EP400: variants seen among roughly 807,000 people sequenced by gnomAD.
The protein encoded by EP400 is E1A binding protein p400, also known as E1A-binding protein p400.
In EP400, 105 loss-of-function variants were observed where a neutral mutation model predicts 354.1. The observed-to-expected ratio is 0.30, with a 90% confidence interval of 0.25 to 0.35. The LOEUF (loss-of-function observed/expected upper bound fraction) is 0.35, where lower values mean the gene tolerates loss of function less well. Ranked by LOEUF, EP400 falls within the 10% of genes least tolerant of loss-of-function variation. The pLI is 1.00. For missense variants in EP400, 3,280 were observed against 4,121.0 expected, an observed-to-expected ratio of 0.80 and a Z score of 5.59; for synonymous variants, 1,646 against 1,716.9, an observed-to-expected ratio of 0.96 and a Z score of 1.02.
intron 7 of EP400, among the ~76,000 whole-genome samples, chr12:131,988,827 C>T (rs12298042): frequency 1.3e-5 from 2 of 151,972 alleles, no homozygotes; most frequent in Non-Finnish European, 2.9e-5. Flanking sequence ...GTACTCTTAA[C>T]GCTATGGCCT....
At chr12:132,042,431 G>A (rs975645167) in intron 32 of EP400, among the ~76,000 whole-genome samples, 1 of 152,170 alleles carries the variant, frequency 6.6e-6, no homozygotes, top group Non-Finnish European at 1.5e-5. Flanking sequence ...CGTCTTTATA[G>A]TGGGTGCTTT....
rs759765501 is a variant in EP400, at chr12:132,077,635, G to A, written c.9334G>A (p.Val3112Ile). The change falls in exon 53 of 53, where the codon GTC becomes ATC. Residue 3112 changes from valine to isoleucine, a missense_variant. Transcript: ENST00000389561. ...QPKLQMRVPA[V>I]RLKTPTKPPC... ...CAAGTTACAGATGAGGGTCCCTGCT[G>A]TCAGGCTAAAGACACCTACTAAGCC... 1.9e-5 allele frequency: 30 copies of A among 1,613,438 alleles called. No homozygotes were observed. The highest frequency in any genetic ancestry group is 2.4e-5 in the Non-Finnish European group (28 of 1,179,822).
chr12:132,028,694 G>A (rs576009737), intron 27 of EP400, among the ~76,000 whole-genome samples: 3 of 152,332 alleles, frequency 2.0e-5, no homozygotes, highest in Admixed American at 6.5e-5. Flanking sequence ...GTGCTTTAAT[G>A]GAGAGCAAAT....
At position 132,029,656 on chromosome 12, in the gene EP400, G is replaced by A. The variant is rs1353840668; in HGVS notation, c.5382-45G>A. 11 of 1,589,370 alleles carry A rather than the reference G, an allele frequency of 6.9e-6. No homozygotes were observed. The South Asian group carries it at 8.9e-5, about 13-fold the overall frequency. On this transcript the variant is annotated intron_variant, in intron 27 of 52. Coordinates refer to ENST00000389561, the MANE Select transcript of EP400 (RefSeq NM_015409.5). This position sits in a 1 kb window ranked among gnomAD's most constrained non-coding sequence, Gnocchi z 4.7. The stretch of plus-strand genomic sequence containing the variant: ...TCAGGAGCCCCCATGCTGGGTGAAG[G>A]TGTGTGGCTCCTGGTGGTGACAAAA...
chr12:131,996,929 T>G (rs527437144), intron 12 of EP400, among the ~76,000 whole-genome samples: 2 of 152,230 alleles, frequency 1.3e-5, no homozygotes, highest in South Asian at 4.1e-4. Context: ...TTTCACTCTT[T>G]GCAGTACCTT....
At chr12:131,995,737 T>C (rs547744862) in intron 12 of EP400, among the ~76,000 whole-genome samples, 312 of 121,314 alleles carry the variant, frequency 2.6e-3, no homozygotes, top group African/African-American at 0.011. Flanking sequence ...GAGAACTTCA[T>C]GTGAACGAAT....
At chr12:132,005,958 T>C (rs1395782969) in intron 13 of EP400, among the ~76,000 whole-genome samples, 154 bp from the exon 14 acceptor site, 3 of 152,210 alleles carry the variant, frequency 2.0e-5, no homozygotes, top group African/African-American at 7.2e-5. Context: ...CCAGGTAGCA[T>C]TGTTAGATAT....
At chr12:132,066,472 T>C in intron 48 of EP400, 1 of 338,656 alleles carries the variant, frequency 3.0e-6, no homozygotes, top group Non-Finnish European at 5.4e-6. Context: ...AGGATGCGGT[T>C]ACTGGTTCAG....
Position 132,066,924 on chromosome 12 carries a change from G to A in EP400, c.8704G>A (p.Val2902Ile), listed in dbSNP as rs1310811611. The change falls in exon 49 of 53, where the codon GTC (valine) becomes ATC (isoleucine). Residue 2902 changes from valine (V) to isoleucine (I), a missense_variant. Coordinates refer to ENST00000389561, the MANE Select transcript of EP400 (RefSeq NM_015409.5). Reference sequence around the variant, plus strand: ...GGGAGTCACCACCCTGCCCATGAACGTCGCGGGGATCAGCGTGGCGATCGG... The same window carrying A: ...GGGAGTCACCACCCTGCCCATGAACATCGCGGGGATCAGCGTGGCGATCGG... ...SPGVTTLPMN[V>I]AGISVAIGQP... 11 of 1,609,024 alleles carry A rather than the reference G, an allele frequency of 6.8e-6. No homozygotes were observed. The highest frequency in any genetic ancestry group is 2.3e-5 in the East Asian group (1 of 44,434).
chr12:132,011,120 A>G (rs1198313503), intron 15 of EP400, among the ~76,000 whole-genome samples: 3 of 152,188 alleles, frequency 2.0e-5, no homozygotes, highest in Non-Finnish European at 4.4e-5. Context: ...GGACTTGAGC[A>G]GGGTCTGGGG....
intron 30 of EP400, 115 bp downstream of exon 30, chr12:132,032,264 A>G: frequency 8.2e-7 from 1 of 1,226,098 alleles, no homozygotes; most frequent in Non-Finnish European, 1.1e-6. Flanking sequence ...TGCAGGAGAT[A>G]TTGGTGCAAG....
Position 132,050,733 on chromosome 12 carries a change from G to A in EP400, c.7394+78G>A. 2 of 1,565,536 alleles carry A rather than the reference G, an allele frequency of 1.3e-6. No individual in the cohort carries two copies. Among genetic ancestry groups the A allele is most frequent in the Non-Finnish European group, 1.8e-6 (2 of 1,137,462 alleles). ...GTGTCATCTAAGTTCAGTGAGTTCA[G>A]CAAATCGTTGTGCACTTAGCGTGTT... On this transcript the variant is annotated intron_variant, in intron 41 of 52. Transcript: ENST00000389561. This position sits in a 1 kb window ranked among gnomAD's most constrained non-coding sequence, Gnocchi z 4.8.
At chr12:132,003,435 C>T (rs891969042) in intron 12 of EP400, among the ~76,000 whole-genome samples, 1 of 152,052 alleles carries the variant, frequency 6.6e-6, no homozygotes, top group Non-Finnish European at 1.5e-5. Flanking sequence ...ATTTTGGTAT[C>T]GAAAGGGGCC....
intron 11 of EP400, 91 bp downstream of exon 11, chr12:131,992,321 T>A: frequency 8.3e-7 from 1 of 1,204,598 alleles, no homozygotes; most frequent in Non-Finnish European, 1.2e-6. Context: ...AGTCTTGTCA[T>A]CTTCAGCTGG....
In EP400 at chr12:132,064,815, A is replaced by G. The variant is rs1161151512; in HGVS notation, c.8482A>G (p.Thr2828Ala). 6.2e-7 allele frequency: 1 copy of G among 1,612,652 alleles called. No homozygotes were observed. The highest frequency in any genetic ancestry group is 1.7e-5 in the Admixed American group (1 of 59,988). The change falls in exon 48 of 53, where the codon ACG becomes GCG. Residue 2828 changes from threonine to alanine, a missense_variant. Coordinates refer to ENST00000389561, the MANE Select transcript of EP400 (RefSeq NM_015409.5). ...PPQQQSPQLT[T>A]VTAPRPGALL... ...GCAGCAGCAGAGCCCCCAGCTCACGACGGTCACGGCCCCAAGGCCTGGTGC... is the reference window on the plus strand; with the variant it reads ...GCAGCAGCAGAGCCCCCAGCTCACGGCGGTCACGGCCCCAAGGCCTGGTGC...
intron 1 of EP400, among the ~76,000 whole-genome samples, chr12:131,959,842 A>G (rs900970375): frequency 1.2e-4 from 18 of 152,208 alleles, no homozygotes; most frequent in Admixed American, 9.2e-4. Context: ...TCCCCAGGGC[A>G]AGGACTGTCT....
Position 132,029,738 on chromosome 12 carries a change from C to T in EP400, c.5419C>T (p.Pro1807Ser). The T allele has an allele frequency of 1.2e-6, 2 of 1,613,286 alleles. No homozygotes were observed. Among genetic ancestry groups the T allele is most frequent in the East Asian group, 2.2e-5 (1 of 44,874 alleles). Residue 1807 changes from proline (P) to serine (S), a missense_variant, in exon 28 of 53, where the codon CCG (proline) becomes TCG (serine). Around this residue, in one of 20 missense-constraint regions of EP400, gnomAD observed 459 missense variants for 496.9 expected, o/e 0.92. Transcript: ENST00000389561. The surrounding 1 kb of genome is among the most constrained non-coding windows in gnomAD (Gnocchi z 4.7). Reference sequence around the variant, plus strand: ...GATTCCTCCGGTGGTGGCAGCACCCCCGTCCCTACGGGTGCCGCGGCCGCC... The same window carrying T: ...GATTCCTCCGGTGGTGGCAGCACCCTCGTCCCTACGGGTGCCGCGGCCGCC... ...FVIPPVVAAP[P>S]SLRVPRPPPL... is the part of the protein sequence containing the mutation.
chr12:131,969,061 G>T lies in EP400; in HGVS notation c.1335+7107G>T, dbSNP rs74614974. Among the ~76,000 whole-genome samples, 440 of 143,512 alleles carry T rather than the reference G, an allele frequency of 3.1e-3. 4 individuals carry two copies. The highest frequency in any genetic ancestry group is 0.011 in the African/African-American group (411 of 38,430). The allele number at this position is 143,512 out of a possible 152,430, so 94.1% of individuals were successfully genotyped here. A position where few individuals can be genotyped will look rare whatever the true frequency, so the allele number is the denominator to read the frequency against. ...TTTACTTTTCTTTTTTTTTTTTATC[G>T]TATTGGCAAGGGCACCCAGTATGAT... is the stretch of plus-strand genomic sequence containing the variant. On this transcript the variant is annotated intron_variant, in intron 2 of 52. Transcript: ENST00000389561.
chr12:132,010,945 A>G (rs1893743558), intron 15 of EP400, among the ~76,000 whole-genome samples: 1 of 152,246 alleles, frequency 6.6e-6, no homozygotes, highest in Non-Finnish European at 1.5e-5. Context: ...TCCATCTTAA[A>G]AAAAACAAAA....
Sources: gnomAD v4.1 joint callset for allele counts (sites outside exome capture counted in the v4.1 genomes callset) on GRCh38, gnomAD v4.1.1 for gene constraint, gnomAD v4.1.1 regional missense constraint, Gnocchi (gnomAD v3.1) non-coding constraint, MANE v1.5 for transcripts, NCBI Gene and HGNC (gene_info 2026-07-23, HGNC 2026-07-21) for gene names.